The following UMAD1 variants were observed in gnomAD, a reference collection of about 807,000 sequenced individuals.
UMAD1 encodes the protein UBAP1-MVB12-associated (UMA) domain containing 1, also known as UBAP1-MVB12-associated (UMA)-domain containing protein 1.
A neutral mutation model predicts 6.1 loss-of-function variants in UMAD1; 8 were observed. That is an observed-to-expected ratio of 1.30 (90% confidence interval 0.76 to 2.35). The LOEUF (loss-of-function observed/expected upper bound fraction) is 2.35, where lower values mean the gene tolerates loss of function less well. Among genes scored for constraint, UMAD1 ranks in the 30% most tolerant of loss-of-function variants. UMAD1 has a pLI of 0.00. For missense variants in UMAD1, 130 were observed against 78.4 expected (o/e 1.66, Z -2.49); for synonymous variants, 56 against 31.4 (o/e 1.78, Z -2.61).
chr7:7,789,617 T>TCCCCCCCCCCCCCCCCCCCCC (rs201727587), intron 2 of UMAD1, among the ~76,000 whole-genome samples: 3 of 101,038 alleles, frequency 3.0e-5, no homozygotes, highest in African/African-American at 1.1e-4. Context: ...AAATACCCCT[T>TCCCCCCCCCCCCCCCCCCCCC]CTCCCCTCCC....
In UMAD1 at chr7:7,809,530, C is replaced by T. The variant is rs572775445; in HGVS notation, c.156+7787C>T. 5.9e-5 allele frequency among the ~76,000 whole-genome samples: 9 copies of T among 152,124 alleles called. No individual in the cohort carries two copies. In the South Asian group the frequency reaches 1.0e-3, roughly 18 times the overall value. ...GCTAATTAACAAATCTATCCCCTTA[C>T]GTGCTTATCTTTTTTCATGGTAAAA... On this transcript the variant is annotated intron_variant, in intron 3 of 3. Coordinates refer to ENST00000682710, the MANE Select transcript of UMAD1 (RefSeq NM_001302348.2).
chr7:7,813,469 G>A (rs1233924924), intron 3 of UMAD1, among the ~76,000 whole-genome samples: 1 of 152,180 alleles, frequency 6.6e-6, no homozygotes, highest in Non-Finnish European at 1.5e-5. Flanking sequence ...CTCCCAAAGT[G>A]CTGGGATTAC....
chr7:7,756,201 G>T (rs1048338738), intron 2 of UMAD1, among the ~76,000 whole-genome samples: 1 of 152,142 alleles, frequency 6.6e-6, no homozygotes, highest in African/African-American at 2.4e-5. Flanking sequence ...GGAAGATCAG[G>T]CAAGTAACCA....
intron 2 of UMAD1, among the ~76,000 whole-genome samples, chr7:7,718,128 T>C (rs567688663): frequency 9.9e-5 from 15 of 152,174 alleles, no homozygotes; most frequent in African/African-American, 3.6e-4. Context: ...TTAGATCAGA[T>C]AAGAAAGTAA....
chr7:7,713,036 C>G (rs1780806724), intron 2 of UMAD1, among the ~76,000 whole-genome samples: 1 of 151,930 alleles, frequency 6.6e-6, no homozygotes, highest in Admixed American at 6.6e-5. Context: ...TAGGTGATTG[C>G]TCATTCAAAA....
At chr7:7,871,552 T>G (rs184532986) in intron 3 of UMAD1, among the ~76,000 whole-genome samples, 76 of 152,332 alleles carry the variant, frequency 5.0e-4, no homozygotes, top group Admixed American at 4.7e-3. Context: ...AGCAAATACA[T>G]TTAAACAGCT....
intron 2 of UMAD1, among the ~76,000 whole-genome samples, chr7:7,795,729 T>G (rs1278971072): frequency 6.6e-6 from 1 of 152,222 alleles, no homozygotes; most frequent in East Asian, 1.9e-4. Context: ...CTGGATGTTG[T>G]GTAAACAGTC....
At chr7:7,658,760 G>A (rs1785404537) in intron 1 of UMAD1, among the ~76,000 whole-genome samples, 2 of 152,148 alleles carry the variant, frequency 1.3e-5, no homozygotes, top group African/African-American at 2.4e-5. Flanking sequence ...AGGAATGTTG[G>A]CCTGAAATTT....
At chr7:7,750,429 ATTGTCT>A (rs1305446173) in intron 2 of UMAD1, among the ~76,000 whole-genome samples, 1 of 152,118 alleles carries the variant, frequency 6.6e-6, no homozygotes, top group African/African-American at 2.4e-5. Flanking sequence ...ATTTGAACTA[ATTGTCT>A]TTGGCAGTTT....
chr7:7,790,401 C>G (rs1306736324), intron 2 of UMAD1, among the ~76,000 whole-genome samples: 1 of 152,226 alleles, frequency 6.6e-6, no homozygotes, highest in African/African-American at 2.4e-5. Context: ...CTATGATTTT[C>G]ACTTTATTCT....
At chr7:7,805,797 C>G (rs932405419) in intron 3 of UMAD1, among the ~76,000 whole-genome samples, 2 of 152,162 alleles carry the variant, frequency 1.3e-5, no homozygotes, top group African/African-American at 4.8e-5. Flanking sequence ...CCTTATCATT[C>G]AAGTGTCACT....
chr7:7,807,358 T>C (rs182535114), intron 3 of UMAD1, among the ~76,000 whole-genome samples: 234 of 152,182 alleles, frequency 1.5e-3, no homozygotes, highest in African/African-American at 5.3e-3. Flanking sequence ...ATTTTAGAAA[T>C]ACAGAAGCAA....
At chr7:7,778,728 A>G (rs910060886) in intron 2 of UMAD1, among the ~76,000 whole-genome samples, 1 of 152,146 alleles carries the variant, frequency 6.6e-6, no homozygotes, top group Non-Finnish European at 1.5e-5. Flanking sequence ...ATGTTTTTCA[A>G]AAGAAAAAGT....
intron 3 of UMAD1, among the ~76,000 whole-genome samples, chr7:7,802,093 C>T (rs1445417864): frequency 2.0e-5 from 3 of 152,106 alleles, no homozygotes; most frequent in African/African-American, 7.2e-5. Context: ...AAAAATAATC[C>T]ATTCAGCCGG....
intron 1 of UMAD1, among the ~76,000 whole-genome samples, chr7:7,671,249 C>T (rs957736846): frequency 2.0e-5 from 3 of 152,176 alleles, no homozygotes; most frequent in African/African-American, 7.2e-5. Flanking sequence ...AGATGTAATT[C>T]TTAGATTTCC....
intron 1 of UMAD1, among the ~76,000 whole-genome samples, chr7:7,644,465 C>T (rs1024252408): frequency 6.6e-6 from 1 of 151,750 alleles, no homozygotes; most frequent in South Asian, 2.1e-4. Flanking sequence ...TTCTTTGATA[C>T]ATCGTACTCT....
chr7:7,770,019 T>C (rs915870804), intron 2 of UMAD1, among the ~76,000 whole-genome samples: 1 of 152,226 alleles, frequency 6.6e-6, no homozygotes, highest in Non-Finnish European at 1.5e-5. Flanking sequence ...TTTCCCTTTT[T>C]TATTCTTTCA....
chr7:7,726,851 G>A (rs1419258187), intron 2 of UMAD1, among the ~76,000 whole-genome samples: 1 of 152,176 alleles, frequency 6.6e-6, no homozygotes, highest in Non-Finnish European at 1.5e-5. Flanking sequence ...TGGCTGGGGT[G>A]ATTGACCTGG....
rs1783450833 is a variant in UMAD1, at chr7:7,830,865, C to G, written c.156+29122C>G. 6.6e-6 allele frequency among the ~76,000 whole-genome samples: 1 copy of G among 151,994 alleles called. No individual in the cohort carries two copies. Among genetic ancestry groups the G allele is most frequent in the South Asian group, 2.1e-4 (1 of 4,832 alleles). On this transcript the variant is annotated intron_variant, in intron 3 of 3. Coordinates refer to ENST00000682710, the MANE Select transcript of UMAD1 (RefSeq NM_001302348.2). This position sits in a 1 kb window ranked among gnomAD's most constrained non-coding sequence, Gnocchi z 5.3. ...TATATCTTCCCATCTTTTTAAGTATCTGCATAGAAAAATTTGTTATTAGTT... is the reference window on the plus strand; with the variant it reads ...TATATCTTCCCATCTTTTTAAGTATGTGCATAGAAAAATTTGTTATTAGTT...
Sources: gnomAD v4.1 joint callset for allele counts (sites outside exome capture counted in the v4.1 genomes callset) on GRCh38, gnomAD v4.1.1 for gene constraint, Gnocchi (gnomAD v3.1) non-coding constraint, MANE v1.5 for transcripts, NCBI Gene and HGNC (gene_info 2026-07-23, HGNC 2026-07-21) for gene names.